Variants in CHST1 observed in about 807,000 individuals in gnomAD.
CHST1 encodes the protein carbohydrate sulfotransferase 1.
Under a neutral mutation model 22.5 loss-of-function variants are expected in CHST1, and 10 were observed. That is an observed-to-expected ratio of 0.44 (90% confidence interval 0.27 to 0.75). The LOEUF (loss-of-function observed/expected upper bound fraction) is 0.75. Among genes scored for constraint, CHST1 ranks in the 30% least tolerant of loss-of-function variants. CHST1 has a pLI of 0.15. For missense variants in CHST1, 439 were observed against 576.1 expected, an observed-to-expected ratio of 0.76 and a Z score of 2.44; for synonymous variants, 267 against 264.5, an observed-to-expected ratio of 1.01 and a Z score of -0.09.
intron 1 of CHST1, among the ~76,000 whole-genome samples, chr11:45,662,031 T>C (rs1298702047): frequency 6.6e-6 from 1 of 152,182 alleles, no homozygotes; most frequent in Non-Finnish European, 1.5e-5. Flanking sequence ...TGGGAACAAT[T>C]GAGCACTAGA....
intron 1 of CHST1, among the ~76,000 whole-genome samples, chr11:45,664,227 A>G (rs934837828): frequency 6.6e-6 from 1 of 152,060 alleles, no homozygotes; most frequent in African/African-American, 2.4e-5. Context: ...CCTTGACTGG[A>G]CAGCCACCTC....
At chr11:45,664,356 C>A (rs36106594) in intron 1 of CHST1, among the ~76,000 whole-genome samples, 1 of 152,148 alleles carries the variant, frequency 6.6e-6, no homozygotes, top group Admixed American at 6.5e-5. Flanking sequence ...TTAAGTCCAC[C>A]AAGAGGAAGC....
chr11:45,657,156 G>A (rs1423239745), intron 1 of CHST1, among the ~76,000 whole-genome samples: 1 of 152,144 alleles, frequency 6.6e-6, no homozygotes. Flanking sequence ...CTGGCGAACA[G>A]GCCTCTAGGA....
rs747016488 is a variant in CHST1, at chr11:45,649,857, G to A, written c.1067C>T (p.Thr356Met). 8 of 1,611,028 alleles carry A rather than the reference G, an allele frequency of 5.0e-6. No homozygotes were observed. The highest frequency in any genetic ancestry group is 1.1e-5 in the South Asian group (1 of 91,070). Residue 356 changes from threonine to methionine, a missense_variant, in exon 4 of 4, where the codon ACG (threonine) becomes ATG (methionine). Coordinates refer to ENST00000308064, the MANE Select transcript of CHST1 (RefSeq NM_003654.6). Reference sequence around the variant, plus strand: ...GAGGCGGAAGCGCCACTTCTCGGCCGTGGCCGCCGAGTTTCGCACGGTGCC... The same window carrying A: ...GAGGCGGAAGCGCCACTTCTCGGCCATGGCCGCCGAGTTTCGCACGGTGCC... Reference protein sequence around the residue: ...KYGTVRNSAATAEKWRFRLSY... With the variant: ...KYGTVRNSAAMAEKWRFRLSY...
At chr11:45,664,596 C>A (rs1224986294) in intron 1 of CHST1, among the ~76,000 whole-genome samples, 2 of 152,262 alleles carry the variant, frequency 1.3e-5, no homozygotes, top group Non-Finnish European at 2.9e-5. Flanking sequence ...TCCCCGGGTC[C>A]TACCCAGAGA....
chr11:45,653,531 A>ACT (rs10668083), intron 1 of CHST1, among the ~76,000 whole-genome samples: 61,963 of 151,880 alleles, frequency 0.41, 13,814 homozygotes, highest in East Asian at 0.51. Flanking sequence ...TTTAAACCTG[A>ACT]CCCCTGCAAG....
At position 45,650,414 on chromosome 11, in the gene CHST1, C is replaced by G. The variant is rs780762413; in HGVS notation, c.510G>C (p.Gly170=). 3.1e-6 allele frequency: 5 copies of G among 1,606,886 alleles called. No individual in the cohort carries two copies. In the African/African-American group the frequency reaches 6.7e-5, roughly 21 times the overall value. The change falls in exon 4 of 4, where the codon GGG becomes GGC. Residue 170 remains glycine, a synonymous_variant. Transcript: ENST00000308064. ...CCTCCTCCAGGACCAGGTCGGCTGG[C>G]CCCGGAGGGTCGCACACAGGCCGGG... ...LCSRPVCDPP[G]PADLVLEEGD... is the part of the protein sequence containing the mutation.
intron 1 of CHST1, among the ~76,000 whole-genome samples, chr11:45,662,435 C>T (rs945932106): frequency 1.3e-5 from 2 of 152,270 alleles, no homozygotes; most frequent in Admixed American, 6.5e-5. Flanking sequence ...ACAAATGCTC[C>T]GTAGAAAAAA....
At chr11:45,659,368 G>C (rs1015212422) in intron 1 of CHST1, among the ~76,000 whole-genome samples, 4 of 152,088 alleles carry the variant, frequency 2.6e-5, no homozygotes, top group Admixed American at 1.3e-4. Flanking sequence ...GGAGCACCGG[G>C]GCCAAGGTTG....
At position 45,650,795 on chromosome 11, in the gene CHST1, G is replaced by C; in HGVS notation, c.129C>G (p.Ala43=). 6.2e-7 allele frequency: 1 copy of C among 1,613,296 alleles called. No homozygotes were observed. Among genetic ancestry groups the C allele is most frequent in the East Asian group, 2.2e-5 (1 of 44,872 alleles). ...TCPGLAEAGL[A]ERLCEESPTF... ...TGGGGCTCTCCTCGCACAGTCGCTCGGCCAGCCCGGCCTCTGCCAGCCCGG... is the reference window on the plus strand; with the variant it reads ...TGGGGCTCTCCTCGCACAGTCGCTCCGCCAGCCCGGCCTCTGCCAGCCCGG... Residue 43 remains alanine (A), a synonymous_variant, in exon 4 of 4, where the codon GCC becomes GCG. Transcript: ENST00000308064.
chr11:45,649,716 T>C lies in CHST1; in HGVS notation c.1208A>G (p.Glu403Gly), dbSNP rs1369729206. Residue 403 changes from glutamate (E) to glycine (G), a missense_variant, in exon 4 of 4, where the codon GAG becomes GGG. Physicochemically the swap from Glu to Gly is moderately conservative, Grantham distance 98. Transcript: ENST00000308064. ...CGAGAAGGGGCGGAAGTCCCGCTCC[T>C]CCACCAGGCTGACCGAGGGGTTCTT... Reference protein sequence around the residue: ...ELKNPSVSLVEERDFRPFS With the variant: ...ELKNPSVSLVGERDFRPFS The C allele has an allele frequency of 4.4e-6, 7 of 1,590,514 alleles. No individual in the cohort carries two copies. Among genetic ancestry groups the C allele is most frequent in the Non-Finnish European group, 6.0e-6 (7 of 1,169,660 alleles).
intron 1 of CHST1, among the ~76,000 whole-genome samples, chr11:45,654,875 T>C (rs1326259120): frequency 6.6e-6 from 1 of 152,166 alleles, no homozygotes; most frequent in Non-Finnish European, 1.5e-5. Context: ...AAAACTGTAA[T>C]TCACAGAGCT....
In CHST1 at chr11:45,648,322, T is replaced by C. The variant is rs543728149; in HGVS notation, c.*1366A>G. ...CCAGCTACTCTGATTCAGCAAGCCA[T>C]ACCACTTGTTAAAGACTTTGAACAT... is the stretch of plus-strand genomic sequence containing the variant. On this transcript the variant is annotated 3_prime_UTR_variant, in exon 4 of 4. Transcript: ENST00000308064. 1.7e-4 allele frequency among the ~76,000 whole-genome samples: 26 copies of C among 151,102 alleles called. No individual in the cohort carries two copies. Among genetic ancestry groups the C allele is most frequent in the African/African-American group, 5.8e-4 (24 of 41,204 alleles).
chr11:45,656,553 G>C (rs1224076156), intron 1 of CHST1, among the ~76,000 whole-genome samples: 1 of 152,158 alleles, frequency 6.6e-6, no homozygotes, highest in Non-Finnish European at 1.5e-5. Context: ...GGGCCTCGAG[G>C]AGACTAGGGT....
rs762595086 is a variant in CHST1 at position 45,650,827 on chromosome 11, T to C, written c.97A>G (p.Thr33Ala). The C allele has an allele frequency of 4.4e-6, 7 of 1,609,010 alleles. No individual in the cohort carries two copies. Among genetic ancestry groups the C allele is most frequent in the Admixed American group, 1.7e-5 (1 of 59,738 alleles). ...CCGGCCTCTGCCAGCCCGGGGCAGG[T>C]GTGAAAGGACTTGGCGGTGAAGGTG... Reference protein sequence around the residue: ...IRTFTAKSFHTCPGLAEAGLA... With the variant: ...IRTFTAKSFHACPGLAEAGLA... The change falls in exon 4 of 4, where the codon ACC (threonine) becomes GCC (alanine). Residue 33 changes from threonine (T) to alanine (A), a missense_variant. Thr to Ala is a moderately conservative substitution (Grantham distance 58). Transcript: ENST00000308064.
At chr11:45,662,767 G>C (rs767206131) in intron 1 of CHST1, among the ~76,000 whole-genome samples, 23 of 152,256 alleles carry the variant, frequency 1.5e-4, no homozygotes, top group Non-Finnish European at 3.1e-4. Flanking sequence ...CATGAGCCCG[G>C]GCACCTAGCC....
intron 1 of CHST1, among the ~76,000 whole-genome samples, chr11:45,657,797 A>G (rs1852080927): frequency 1.3e-5 from 2 of 152,184 alleles, no homozygotes; most frequent in African/African-American, 2.4e-5. Flanking sequence ...TGTGAGGTCT[A>G]TGGACCCTCT....
chr11:45,654,426 G>C (rs189627395), intron 1 of CHST1, among the ~76,000 whole-genome samples: 2 of 152,254 alleles, frequency 1.3e-5, no homozygotes, highest in African/African-American at 4.8e-5. Flanking sequence ...GAATGGGAAC[G>C]GGAAGATGGG....
At chr11:45,663,153 C>A (rs936320673) in intron 1 of CHST1, among the ~76,000 whole-genome samples, 1 of 151,824 alleles carries the variant, frequency 6.6e-6, no homozygotes, top group African/African-American at 2.4e-5. Context: ...AGATCCACAG[C>A]GGGCAAGGGA....
Sources: gnomAD v4.1 joint callset for allele counts (sites outside exome capture counted in the v4.1 genomes callset) on GRCh38, gnomAD v4.1.1 for gene constraint, MANE v1.5 for transcripts, NCBI Gene and HGNC (gene_info 2026-07-23, HGNC 2026-07-21) for gene names.